TP63: variants seen among roughly 807,000 people sequenced by gnomAD.
TP63 encodes tumor protein p63, also known as tumor protein 63.
A neutral mutation model predicts 82.8 loss-of-function variants in TP63; 17 were observed. The ratio of observed to expected loss-of-function variants is 0.21; its 90% CI spans 0.14 to 0.31. The LOEUF (loss-of-function observed/expected upper bound fraction) is 0.31, where lower values mean the gene tolerates loss of function less well. TP63 is among the 10% of genes least tolerant of loss of function. The pLI is 1.00. For missense variants in TP63, 648 were observed against 895.3 expected (o/e 0.72, Z 3.52); for synonymous variants, 330 against 321.7 (o/e 1.03, Z -0.28).
chr3:189,824,784 G>A (rs1323981669), intron 4 of TP63, among the ~76,000 whole-genome samples: 1 of 150,642 alleles, frequency 6.6e-6, no homozygotes, highest in Admixed American at 6.6e-5. Context: ...ATGAGCTAAT[G>A]TCTCCAGTTT....
At chr3:189,663,615 TCTC>T (rs1714126235) in intron 1 of TP63, among the ~76,000 whole-genome samples, 1 of 135,008 alleles carries the variant, frequency 7.4e-6, no homozygotes, top group South Asian at 2.6e-4. Flanking sequence ...GCAACATCCA[TCTC>T]CTAGATTAAA....
At chr3:189,824,212 A>G (rs560968581) in intron 4 of TP63, among the ~76,000 whole-genome samples, 2 of 151,238 alleles carry the variant, frequency 1.3e-5, no homozygotes, top group African/African-American at 4.9e-5. Context: ...TATTTATTTT[A>G]TTATTATTAT....
intron 4 of TP63, among the ~76,000 whole-genome samples, chr3:189,840,359 C>CTTTTTTTTTTTTTTT: frequency 2.9e-4 from 13 of 44,442 alleles, no homozygotes; most frequent in Non-Finnish European, 3.9e-4. Flanking sequence ...TGCTTTTCGT[C>CTTTTTTTTTTTTTTT]TTTTTTTTTT....
chr3:189,865,186 G>GA (rs1414527693), intron 5 of TP63, among the ~76,000 whole-genome samples: 1 of 151,820 alleles, frequency 6.6e-6, no homozygotes, highest in Non-Finnish European at 1.5e-5. Context: ...AAGAAATAAT[G>GA]AAAAAACCAG....
At chr3:189,760,357 A>G (rs1222436628) in intron 3 of TP63, among the ~76,000 whole-genome samples, 2 of 152,186 alleles carry the variant, frequency 1.3e-5, no homozygotes, top group African/African-American at 4.8e-5. Context: ...CAATGGGGGT[A>G]TAGGTATTGG....
At chr3:189,884,657 C>T (rs1213749557) in intron 10 of TP63, among the ~76,000 whole-genome samples, 1 of 152,090 alleles carries the variant, frequency 6.6e-6, no homozygotes, top group East Asian at 1.9e-4. Context: ...TGTATCAACA[C>T]CAGTATATAT....
intron 1 of TP63, among the ~76,000 whole-genome samples, chr3:189,649,531 T>G (rs13089021): frequency 0.45 from 65,493 of 145,712 alleles, 18,788 homozygotes; most frequent in Middle Eastern, 0.66. Flanking sequence ...AGTGCTAGGC[T>G]TAATACCTGG....
chr3:189,677,284 A>T (rs1298640435), intron 1 of TP63, among the ~76,000 whole-genome samples: 1 of 136,284 alleles, frequency 7.3e-6, no homozygotes, highest in African/African-American at 2.5e-5. Context: ...ACACAGTGGA[A>T]TACTACTATA....
At chr3:189,685,157 A>T (rs1284192117) in intron 1 of TP63, among the ~76,000 whole-genome samples, 1 of 152,218 alleles carries the variant, frequency 6.6e-6, no homozygotes, top group Admixed American at 6.5e-5. Context: ...GAAATCAGTG[A>T]GTAGATTACC....
intron 1 of TP63, among the ~76,000 whole-genome samples, chr3:189,638,935 C>G (rs531491998): frequency 6.0e-4 from 92 of 152,248 alleles, no homozygotes; most frequent in African/African-American, 2.2e-3. Context: ...AATACATGCT[C>G]ATAAAAAGGT....
intron 1 of TP63, among the ~76,000 whole-genome samples, chr3:189,656,251 G>T (rs1713348053): frequency 6.6e-6 from 1 of 152,060 alleles, no homozygotes; most frequent in Admixed American, 6.6e-5. Context: ...TATTATAAGA[G>T]AACATGTACT....
intron 4 of TP63, among the ~76,000 whole-genome samples, chr3:189,811,254 T>C (rs1004669328): frequency 3.9e-5 from 6 of 152,194 alleles, no homozygotes; most frequent in Admixed American, 2.0e-4. Flanking sequence ...GATGATAGTA[T>C]TAATAATTAA....
rs1014035323 is a variant in TP63, at chr3:189,805,684, G to A, written c.325-2588G>A. 3.1e-4 allele frequency among the ~76,000 whole-genome samples: 47 copies of A among 152,282 alleles called. No homozygotes were observed. In the Middle Eastern group the frequency reaches 0.01, roughly 33 times the overall value. ...AAGGAAGGCCAGTGAGTGTGCAAAG[G>A]AGCATGGCTTATTTTGAGGTCCTGA... On this transcript the variant is annotated intron_variant, in intron 3 of 13. Coordinates refer to ENST00000264731, the MANE Select transcript of TP63 (RefSeq NM_003722.5).
chr3:189,881,904 A>G (rs572493907), intron 10 of TP63, among the ~76,000 whole-genome samples: 4 of 152,060 alleles, frequency 2.6e-5, no homozygotes, highest in African/African-American at 7.2e-5. Context: ...TGGCATAGAC[A>G]TTAGCAAATA....
chr3:189,882,184 T>A (rs1269675042), intron 10 of TP63, among the ~76,000 whole-genome samples: 2 of 152,158 alleles, frequency 1.3e-5, no homozygotes, highest in African/African-American at 2.4e-5. Context: ...TTGGTGAGTA[T>A]GTTTCGTTTT....
chr3:189,610,009 G>A, the TP63 span, among the ~76,000 whole-genome samples: 1 of 152,142 alleles, frequency 6.6e-6, no homozygotes, highest in Admixed American at 6.5e-5. Flanking sequence ...CGGAGTATGT[G>A]TTCCCTTTTC....
chr3:189,891,777 G>A lies in TP63; in HGVS notation c.1746+895G>A, dbSNP rs188804368. Among the ~76,000 whole-genome samples, 7 of 152,200 alleles carry A rather than the reference G, an allele frequency of 4.6e-5. No individual in the cohort carries two copies. In the South Asian group the frequency reaches 6.2e-4, roughly 14 times the overall value. On this transcript the variant is annotated intron_variant, in intron 13 of 13. Transcript: ENST00000264731. The stretch of plus-strand genomic sequence containing the variant: ...GGCAATCTGATTTGTCTCTTAGGCC[G>A]CGCTCTTCATGCTGCTCTCTTTGGG...
At chr3:189,839,649 A>G (rs532895557) in intron 4 of TP63, among the ~76,000 whole-genome samples, 1 of 152,360 alleles carries the variant, frequency 6.6e-6, no homozygotes, top group South Asian at 2.1e-4. Flanking sequence ...CTTGTCTAGC[A>G]GTTAAACTGC....
chr3:189,844,166 C>T, intron 4 of TP63: 1 of 370,808 alleles, frequency 2.7e-6, no homozygotes, highest in Non-Finnish European at 5.2e-6. Context: ...GAACACTTTT[C>T]CTTTTTCTTT....
Sources: gnomAD v4.1 joint callset for allele counts (sites outside exome capture counted in the v4.1 genomes callset) on GRCh38, gnomAD v4.1.1 for gene constraint, MANE v1.5 for transcripts, NCBI Gene and HGNC (gene_info 2026-07-23, HGNC 2026-07-21) for gene names.